Variants in PPP1R16B observed in about 807,000 individuals in gnomAD.
PPP1R16B encodes the protein protein phosphatase 1 regulatory inhibitor subunit 16B.
PPP1R16B carries 14 observed loss-of-function variants against 61.7 expected under a neutral mutation model. That is an observed-to-expected ratio of 0.23 (90% CI 0.15 to 0.35). PPP1R16B has a LOEUF of 0.35. PPP1R16B is among the 10% of genes least tolerant of loss of function. The pLI, the probability that PPP1R16B is intolerant of heterozygous loss-of-function variation, is 1.00. For missense variants in PPP1R16B, 547 were observed against 752.5 expected (o/e 0.73, Z 3.19); for synonymous variants, 266 against 305.3 (o/e 0.87, Z 1.34).
rs6028188 is a variant in PPP1R16B, at chr20:38,899,857, C to T, written c.468-724C>T. On this transcript the variant is annotated intron_variant, in intron 4 of 10. Transcript: ENST00000299824. Reference sequence around the variant, plus strand: ...TATCACCCAGGCTGGAGTGCAGTGGCGTGATCTTGGCTCACTGCAACCTCT... The same window carrying T: ...TATCACCCAGGCTGGAGTGCAGTGGTGTGATCTTGGCTCACTGCAACCTCT... Among the ~76,000 whole-genome samples the T allele has an allele frequency of 5.1e-3, 775 of 151,628 alleles. 5 individuals are homozygous for T. The highest frequency in any genetic ancestry group is 0.018 in the African/African-American group (746 of 41,278).
chr20:38,816,290 C>T (rs1601231409), intron 1 of PPP1R16B, among the ~76,000 whole-genome samples: 4 of 152,226 alleles, frequency 2.6e-5, no homozygotes, highest in Admixed American at 2.6e-4. Context: ...CAGATCTGTA[C>T]GTTGGTCCAG....
At chr20:38,858,018 G>A (rs562949152) in intron 2 of PPP1R16B, among the ~76,000 whole-genome samples, 3 of 152,238 alleles carry the variant, frequency 2.0e-5, no homozygotes, top group East Asian at 3.9e-4. Context: ...CTGGTTTCTC[G>A]TGAGGGCTCT....
At chr20:38,808,929 A>G (rs1041936696) in intron 1 of PPP1R16B, among the ~76,000 whole-genome samples, 1 of 152,088 alleles carries the variant, frequency 6.6e-6, no homozygotes, top group South Asian at 2.1e-4. Flanking sequence ...GCTACTTGGG[A>G]GGCTGAGGCA....
intron 1 of PPP1R16B, among the ~76,000 whole-genome samples, chr20:38,811,909 G>C (rs182292957): frequency 2.0e-5 from 3 of 152,178 alleles, no homozygotes; most frequent in Admixed American, 6.5e-5. Context: ...CATAAGGTCC[G>C]TGACTGTGTC....
chr20:38,876,945 G>A (rs891783630), intron 2 of PPP1R16B, among the ~76,000 whole-genome samples: 5 of 152,180 alleles, frequency 3.3e-5, no homozygotes, highest in Non-Finnish European at 7.3e-5. Context: ...AATGAAAAGT[G>A]TGTGGATGTA....
rs1568649073 is a variant in PPP1R16B at position 38,809,984 on chromosome 20, C to CA, written c.-102+4192_-102+4193insA. Among the ~76,000 whole-genome samples the CA allele has an allele frequency of 2.0e-3, 46 of 22,562 alleles. 1 individual carries two copies. In the South Asian group the frequency reaches 0.024, roughly 12 times the overall value. 14.8% of individuals were successfully genotyped at this position (22,562 alleles called of 152,430 possible). On this transcript the variant is annotated intron_variant, in intron 1 of 10. Transcript: ENST00000299824. The stretch of plus-strand genomic sequence containing the variant: ...TGGGCAACAGAGTAAGACCTTGTTT[C>CA]GAAAAAAAAAAAAAAAAAAAAACAA...
At chr20:38,869,914 T>TTTTA (rs1219128680) in intron 2 of PPP1R16B, among the ~76,000 whole-genome samples, 1 of 146,944 alleles carries the variant, frequency 6.8e-6, no homozygotes, top group Non-Finnish European at 1.5e-5. Context: ...AGAGCAAAAA[T>TTTTA]TTTATTTATT....
chr20:38,809,995 A>AC (rs2145700890), intron 1 of PPP1R16B, among the ~76,000 whole-genome samples: 1 of 148,056 alleles, frequency 6.8e-6, no homozygotes, highest in South Asian at 2.1e-4. Flanking sequence ...GAAAAAAAAA[A>AC]AAAAAAAAAA....
At chr20:38,910,439 G>T (rs894725476) in intron 10 of PPP1R16B, among the ~76,000 whole-genome samples, 2 of 151,854 alleles carry the variant, frequency 1.3e-5, no homozygotes, top group Non-Finnish European at 2.9e-5. Context: ...GATTAATTTT[G>T]TATATGCATA....
chr20:38,913,099 G>A (rs964398615), intron 10 of PPP1R16B, among the ~76,000 whole-genome samples: 2 of 151,980 alleles, frequency 1.3e-5, no homozygotes, highest in African/African-American at 4.8e-5. Flanking sequence ...TCGAACTCCT[G>A]ACCTTAAGTG....
chr20:38,805,923 G>C (rs2145697446), intron 1 of PPP1R16B, 131 bp downstream of exon 1: 1 of 152,142 alleles, frequency 6.6e-6, no homozygotes, highest in African/African-American at 2.4e-5. Flanking sequence ...TTGGCCAAGG[G>C]ACGATAGCTT....
rs2085414827 is a variant in PPP1R16B, at chr20:38,903,575, G to GTCCA, written c.696+786_696+787insATCC. Among the ~76,000 whole-genome samples, 7 of 82,566 alleles carry GTCCA rather than the reference G, an allele frequency of 8.5e-5. No homozygotes were observed. In the South Asian group the frequency reaches 1.1e-3, roughly 13 times the overall value. 54.2% of individuals were successfully genotyped at this position (82,566 alleles called of 152,430 possible). On this transcript the variant is annotated intron_variant, in intron 6 of 10. Transcript: ENST00000299824. ...CATCCATCCATCCATCCGTCCGTCCGTCCGTCCATCCATCCATCCATCCAT... is the reference window on the plus strand; with the variant it reads ...CATCCATCCATCCATCCGTCCGTCCGTCCATCCGTCCATCCATCCATCCATCCAT...
intron 1 of PPP1R16B, among the ~76,000 whole-genome samples, chr20:38,809,817 A>C (rs535190590): frequency 7.6e-4 from 115 of 151,990 alleles, no homozygotes; most frequent in Middle Eastern, 3.4e-3. Flanking sequence ...CCGTCTCTAC[A>C]AAAAATACAA....
intron 4 of PPP1R16B, 39 bp from the exon 5 acceptor site, chr20:38,900,542 C>A: frequency 6.4e-7 from 1 of 1,555,460 alleles, no homozygotes; most frequent in South Asian, 1.2e-5. Context: ...CAACCCTAGC[C>A]ACACCTACTT....
intron 1 of PPP1R16B, among the ~76,000 whole-genome samples, chr20:38,832,341 C>A (rs2084842641): frequency 6.6e-6 from 1 of 152,144 alleles, no homozygotes. Flanking sequence ...CAGAGCAGGA[C>A]TTCATTAAAT....
At chr20:38,897,305 C>T (rs865950504) in intron 4 of PPP1R16B, among the ~76,000 whole-genome samples, 3 of 152,116 alleles carry the variant, frequency 2.0e-5, no homozygotes, top group Non-Finnish European at 4.4e-5. Context: ...CCACCCTGGG[C>T]GACGGAGTGA....
chr20:38,846,364 T>A (rs930828303), intron 2 of PPP1R16B, among the ~76,000 whole-genome samples: 1 of 152,114 alleles, frequency 6.6e-6, no homozygotes, highest in Non-Finnish European at 1.5e-5. Flanking sequence ...AAGGGATCAC[T>A]AGAGAAAGCT....
At chr20:38,911,893 G>A (rs747030390) in intron 10 of PPP1R16B, among the ~76,000 whole-genome samples, 14 of 152,046 alleles carry the variant, frequency 9.2e-5, no homozygotes, top group Non-Finnish European at 1.5e-4. Context: ...TGTGAATAAA[G>A]CTCCTATAAA....
chr20:38,914,768 A>G (rs1389934677), intron 10 of PPP1R16B, among the ~76,000 whole-genome samples: 1 of 152,126 alleles, frequency 6.6e-6, no homozygotes. Context: ...TCCTGGGCTC[A>G]AGTGATCCTC....
Sources: allele counts gnomAD v4.1 joint callset (sites outside exome capture counted in the v4.1 genomes callset), GRCh38; gene constraint gnomAD v4.1.1; transcripts MANE v1.5; gene names NCBI Gene and HGNC (gene_info 2026-07-23, HGNC 2026-07-21).